Variants in MCC observed in about 807,000 individuals in gnomAD.
MCC encodes the protein colorectal mutant cancer protein.
Under a neutral mutation model 116.2 loss-of-function variants are expected in MCC, and 90 were observed. The ratio of observed to expected loss-of-function variants is 0.77; its 90% CI spans 0.65 to 0.92. MCC has a LOEUF of 0.92. MCC is among the 40% of genes least tolerant of loss of function. The pLI is 0.00. For missense variants in MCC, 1,516 were observed against 1,312.2 expected (o/e 1.16, Z -2.40); for synonymous variants, 578 against 510.5 (o/e 1.13, Z -1.78).
At chr5:113,194,837 T>G (rs1245279456) in intron 3 of MCC, among the ~76,000 whole-genome samples, 3 of 152,076 alleles carry the variant, frequency 2.0e-5, no homozygotes, top group Non-Finnish European at 2.9e-5. Context: ...ATTGTGAAAA[T>G]GAATCTAGAT....
At chr5:113,278,424 C>G (rs770658244) in intron 3 of MCC, among the ~76,000 whole-genome samples, 12 of 152,142 alleles carry the variant, frequency 7.9e-5, no homozygotes, top group Admixed American at 6.5e-4. Context: ...AGTCCTCAGG[C>G]CTTTACAGTG....
At chr5:113,440,925 G>T (rs1771018524) in intron 1 of MCC, among the ~76,000 whole-genome samples, 1 of 152,214 alleles carries the variant, frequency 6.6e-6, no homozygotes, top group Non-Finnish European at 1.5e-5. Context: ...AACCATTAAT[G>T]TGTATGTGTT....
intron 2 of MCC, among the ~76,000 whole-genome samples, chr5:113,358,318 G>A (rs949544688): frequency 2.6e-5 from 4 of 152,168 alleles, no homozygotes; most frequent in African/African-American, 9.7e-5. Flanking sequence ...CTTGTGGCCA[G>A]CACCATGAGG....
chr5:113,157,950 C>T (rs931816363), intron 3 of MCC, among the ~76,000 whole-genome samples: 3 of 152,192 alleles, frequency 2.0e-5, no homozygotes, highest in Non-Finnish European at 2.9e-5. Context: ...ATGACGTGAA[C>T]ACAAGCACTG....
At chr5:113,371,049 C>T (rs1177890070) in intron 2 of MCC, among the ~76,000 whole-genome samples, 1 of 152,012 alleles carries the variant, frequency 6.6e-6, no homozygotes, top group African/African-American at 2.4e-5. Context: ...GAAACCCCAT[C>T]TCTACTAAAA....
intron 3 of MCC, among the ~76,000 whole-genome samples, chr5:113,218,516 T>G (rs1482922892): frequency 6.6e-6 from 1 of 152,116 alleles, no homozygotes; most frequent in Non-Finnish European, 1.5e-5. Context: ...TTCTCCTCCT[T>G]CACTACAAAT....
In MCC at chr5:113,135,005, G is replaced by A. The variant is rs149709692; in HGVS notation, c.884+8213C>T. Among the ~76,000 whole-genome samples the A allele has an allele frequency of 8.4e-3, 1,234 of 147,494 alleles. 23 individuals carry two copies. Among genetic ancestry groups the A allele is most frequent in the East Asian group, 0.036 (173 of 4,792 alleles). On this transcript the variant is annotated intron_variant, in intron 5 of 18. Transcript: ENST00000408903. The stretch of plus-strand genomic sequence containing the variant: ...CTCCCAGCCTGGAGTGCAGTGGCCC[G>A]ATCTCAGCTCACTACAACCTCCGCC...
chr5:113,051,136 G>C (rs1353407537), intron 15 of MCC, among the ~76,000 whole-genome samples: 1 of 152,104 alleles, frequency 6.6e-6, no homozygotes, highest in Non-Finnish European at 1.5e-5. Context: ...AAACTGATGA[G>C]TCCCAACAGA....
At chr5:113,135,558 CAAAAAA>C (rs11377680) in intron 5 of MCC, among the ~76,000 whole-genome samples, 2 of 102,656 alleles carry the variant, frequency 1.9e-5, no homozygotes, top group Admixed American at 1.9e-4. Context: ...GACTCTGTCT[CAAAAAA>C]AAAAAAAAAA....
intron 5 of MCC, among the ~76,000 whole-genome samples, chr5:113,133,884 T>C (rs1758629716): frequency 6.6e-6 from 1 of 152,260 alleles, no homozygotes; most frequent in African/African-American, 2.4e-5. Flanking sequence ...GTTGGCCATT[T>C]GTACGTCTTC....
intron 3 of MCC, among the ~76,000 whole-genome samples, chr5:113,252,601 G>A (rs1401291391): frequency 1.3e-5 from 2 of 152,130 alleles, no homozygotes; most frequent in African/African-American, 4.8e-5. Flanking sequence ...ATATTACAAT[G>A]TAATAATAAT....
In MCC at chr5:113,434,559, A is replaced by G; in HGVS notation, c.171-49347T>C. 1 of 1,613,032 alleles carries G rather than the reference A, an allele frequency of 6.2e-7. No homozygotes were observed. The highest frequency in any genetic ancestry group is 8.5e-7 in the Non-Finnish European group (1 of 1,179,470). The stretch of plus-strand genomic sequence containing the variant: ...GATTAACTCGAGGAGGTCGCCCTGG[A>G]CCGCGAGCTCCATGACGATGTAGAC... On this transcript the variant is annotated intron_variant, in intron 1 of 18. Transcript: ENST00000408903. This position sits in a 1 kb window ranked among gnomAD's most constrained non-coding sequence, Gnocchi z 4.2.
intron 3 of MCC, among the ~76,000 whole-genome samples, chr5:113,270,996 A>G (rs530744074): frequency 2.2e-4 from 34 of 152,218 alleles, no homozygotes; most frequent in African/African-American, 8.2e-4. Context: ...GGATAAAAAT[A>G]TTTGCTTCAT....
intron 3 of MCC, among the ~76,000 whole-genome samples, chr5:113,260,017 A>G (rs1765163096): frequency 6.6e-6 from 1 of 152,134 alleles, no homozygotes; most frequent in East Asian, 1.9e-4. Flanking sequence ...TGATTAACAA[A>G]TATTACCTTT....
chr5:113,085,410 A>G (rs1224764628), intron 8 of MCC, 100 bp from the exon 9 acceptor site: 1 of 1,177,272 alleles, frequency 8.5e-7, no homozygotes, highest in Admixed American at 2.3e-5. Flanking sequence ...ACATTGAGGG[A>G]TCAGCCCACT....
Position 113,094,738 on chromosome 5 carries a change from C to A in MCC, c.1398+7001G>T, listed in dbSNP as rs367740253. 2.0e-5 allele frequency among the ~76,000 whole-genome samples: 3 copies of A among 152,168 alleles called. No individual in the cohort carries two copies. The East Asian group carries it at 5.8e-4, about 29-fold the overall frequency. On this transcript the variant is annotated intron_variant, in intron 8 of 18. Transcript: ENST00000408903. The stretch of plus-strand genomic sequence containing the variant: ...CCCGGCCAATGTTCCTAATTTCTTA[C>A]CAGCTTTTTGACAAATTGAGTCAGC...
intron 3 of MCC, among the ~76,000 whole-genome samples, chr5:113,262,367 T>C (rs1430697194): frequency 1.3e-5 from 2 of 152,164 alleles, no homozygotes; most frequent in African/African-American, 4.8e-5. Context: ...ATGAGAAACG[T>C]TACCATTTTT....
chr5:113,091,749 G>T (rs1022829087), intron 8 of MCC, among the ~76,000 whole-genome samples: 2 of 152,046 alleles, frequency 1.3e-5, no homozygotes, highest in Non-Finnish European at 2.9e-5. Context: ...AGCCAGGAGT[G>T]GTGCGTGAGC....
chr5:113,194,818 C>T (rs1162803078), intron 3 of MCC, among the ~76,000 whole-genome samples: 5 of 152,148 alleles, frequency 3.3e-5, no homozygotes, highest in East Asian at 3.8e-4. Context: ...AGTCATTCCT[C>T]GAGGACTCAT....
Sources: allele counts gnomAD v4.1 joint callset (sites outside exome capture counted in the v4.1 genomes callset), GRCh38; gene constraint gnomAD v4.1.1; non-coding constraint Gnocchi (gnomAD v3.1); transcripts MANE v1.5; gene names NCBI Gene and HGNC (gene_info 2026-07-23, HGNC 2026-07-21).